Variants in HMX1 observed in about 807,000 individuals in gnomAD.
HMX1 encodes H6 family homeobox 1, also known as homeobox protein HMX1.
In HMX1, 8 loss-of-function variants were observed where a neutral mutation model predicts 8.9. The observed-to-expected ratio is 0.90, with a 90% CI of 0.53 to 1.63. The LOEUF (loss-of-function observed/expected upper bound fraction) is 1.63. Among genes scored for constraint, HMX1 ranks in the 40% most tolerant of loss-of-function variants. The probability of loss-of-function intolerance (pLI) is 0.00; values close to 1 mark genes in which losing one functional copy is unlikely to be tolerated. For synonymous variants in HMX1, 311 were observed against 283.4 expected (o/e 1.10, Z -0.98); for missense variants, 621 against 558.5 (o/e 1.11, Z -1.13).
At chr4:8,869,218 A>G (rs1370649617) in intron 1 of HMX1, among the ~76,000 whole-genome samples, 1 of 152,148 alleles carries the variant, frequency 6.6e-6, no homozygotes, top group Non-Finnish European at 1.5e-5. Context: ...AAGCTCCCCT[A>G]CTCATCTCCT....
chr4:8,869,558 C>A (rs919236649), intron 1 of HMX1, among the ~76,000 whole-genome samples: 1 of 152,242 alleles, frequency 6.6e-6, no homozygotes, highest in Admixed American at 6.5e-5. Context: ...GGCTTCTGTG[C>A]GTGGTTCCAG....
chr4:8,857,506 G>A (rs1721647383), intron 1 of HMX1, among the ~76,000 whole-genome samples: 1 of 152,160 alleles, frequency 6.6e-6, no homozygotes, highest in African/African-American at 2.4e-5. Flanking sequence ...GGTGGGGCGC[G>A]GGTTCCGGCC....
chr4:8,858,599 G>C (rs991836971), intron 1 of HMX1: 2 of 152,272 alleles, frequency 1.3e-5, no homozygotes, highest in Admixed American at 6.5e-5. Flanking sequence ...GACGTCATGG[G>C]GGGAGTGCCC....
At chr4:8,850,145 G>T (rs1435509408) in intron 1 of HMX1, among the ~76,000 whole-genome samples, 1 of 152,118 alleles carries the variant, frequency 6.6e-6, no homozygotes, top group African/African-American at 2.4e-5. Flanking sequence ...GCTGGGTAAG[G>T]AGTGGAAGAG....
chr4:8,852,961 G>A (rs1464465579), intron 1 of HMX1, among the ~76,000 whole-genome samples: 3 of 151,588 alleles, frequency 2.0e-5, no homozygotes, highest in Non-Finnish European at 2.9e-5. Flanking sequence ...TGACCTGGAG[G>A]ATGAAACTTA....
At chr4:8,869,555 G>C (rs1378902052) in intron 1 of HMX1, among the ~76,000 whole-genome samples, 1 of 152,268 alleles carries the variant, frequency 6.6e-6, no homozygotes, top group East Asian at 1.9e-4. Flanking sequence ...GTGGGCTTCT[G>C]TGCGTGGTTC....
At chr4:8,851,736 T>C (rs1346794602) in intron 1 of HMX1, among the ~76,000 whole-genome samples, 1 of 152,228 alleles carries the variant, frequency 6.6e-6, no homozygotes, top group Non-Finnish European at 1.5e-5. Context: ...TTCTCCATCA[T>C]AAAACAGGAG....
rs2109456103 is a variant in HMX1 at position 8,853,770 on chromosome 4, T to C, written c.395-7446A>G. Among the ~76,000 whole-genome samples, 2 of 152,064 alleles carry C rather than the reference T, an allele frequency of 1.3e-5. No individual in the cohort carries two copies. Among genetic ancestry groups the C allele is most frequent in the East Asian group, 3.9e-4 (2 of 5,152 alleles). On this transcript the variant is annotated intron_variant, in intron 1 of 1. Coordinates refer to the HMX1 transcript ENST00000506970. This position sits in a 1 kb window ranked among gnomAD's most constrained non-coding sequence, Gnocchi z 4.7. Reference sequence around the variant, plus strand: ...GGGGAGGCTGAGACAGGAGAATTGTTTGAACCCGGGAGGTGGAGGTTGCAG... The same window carrying C: ...GGGGAGGCTGAGACAGGAGAATTGTCTGAACCCGGGAGGTGGAGGTTGCAG...
At position 8,868,230 on chromosome 4, in the gene HMX1, A is replaced by C. The variant is rs1485401363; in HGVS notation, c.510T>G (p.Arg170=). 7.0e-7 allele frequency: 1 copy of C among 1,435,508 alleles called. No individual in the cohort carries two copies. Among genetic ancestry groups the C allele is most frequent in the East Asian group, 3.0e-5 (1 of 33,224 alleles). The allele number at this position is 1,435,508 out of a possible 1,614,324, so 88.9% of individuals were successfully genotyped here. A position where few individuals can be genotyped will look rare whatever the true frequency, so the allele number is the denominator to read the frequency against. The stretch of plus-strand genomic sequence containing the variant: ...CCTCCTCCGTGCCGGCCGCCGGGCC[A>C]CGCGCCGCCAGCTCCGCTGCCTCCC... ...VQREAAELAA[R]GPAAGTEEAS... is the part of the protein sequence containing the mutation. The change falls in exon 2 of 2, where the codon CGT becomes CGG. Residue 170 remains arginine, a synonymous_variant. Transcript: ENST00000400677. The surrounding 1 kb of genome is among the most constrained non-coding windows in gnomAD (Gnocchi z 4.6).
rs552089627 is a variant in HMX1 at position 8,849,812 on chromosome 4, C to T, written c.395-3488G>A. On this transcript the variant is annotated intron_variant, in intron 1 of 1. Coordinates refer to the HMX1 transcript ENST00000506970. The surrounding 1 kb of genome is among the most constrained non-coding windows in gnomAD (Gnocchi z 6.6). ...GGTCTCTGAGCTGGAACAGCCCCTC[C>T]GGGCATCGGGTGTGGTCTGCCATTT... Among the ~76,000 whole-genome samples the T allele has an allele frequency of 2.6e-5, 4 of 152,320 alleles. No homozygotes were observed. The highest frequency in any genetic ancestry group is 4.4e-5 in the Non-Finnish European group (3 of 68,028).
At chr4:8,855,108 G>A (rs1397472037) in intron 1 of HMX1, among the ~76,000 whole-genome samples, 2 of 152,214 alleles carry the variant, frequency 1.3e-5, no homozygotes, top group Non-Finnish European at 2.9e-5. Context: ...TTCCCCCAGC[G>A]CCTGCAGTCC....
intron 1 of HMX1, among the ~76,000 whole-genome samples, chr4:8,855,779 C>T (rs1013766870): frequency 1.3e-5 from 2 of 152,060 alleles, no homozygotes; most frequent in Admixed American, 6.5e-5. Flanking sequence ...GCAGGAAGGG[C>T]CTGGGGAGTG....
chr4:8,851,615 G>C (rs78014886), intron 1 of HMX1, among the ~76,000 whole-genome samples: 45,054 of 152,148 alleles, frequency 0.3, 7,320 homozygotes, highest in East Asian at 0.67. Flanking sequence ...CTGCGGGCCT[G>C]AGGCCAGGAT....
rs1419218898 is a variant in HMX1 at position 8,848,030 on chromosome 4, G to A, written c.395-1706C>T. Among the ~76,000 whole-genome samples the A allele has an allele frequency of 6.6e-6, 1 of 152,150 alleles. No homozygotes were observed. On this transcript the variant is annotated intron_variant, in intron 1 of 1. Transcript: ENST00000506970. This position sits in a 1 kb window ranked among gnomAD's most constrained non-coding sequence, Gnocchi z 4.1. ...GAACCGAATTTTGAATCTAAAACTC[G>A]ACACTCGATTCAGTTATTGGACAAC... is the stretch of plus-strand genomic sequence containing the variant.
chr4:8,864,439 G>A (rs573858251), downstream of HMX1, among the ~76,000 whole-genome samples: 4 of 152,222 alleles, frequency 2.6e-5, no homozygotes, highest in South Asian at 6.2e-4. Context: ...AACCCGCGAG[G>A]GGGGAGGGTG....
chr4:8,854,438 G>A (rs1181543361), intron 1 of HMX1, among the ~76,000 whole-genome samples: 2 of 152,238 alleles, frequency 1.3e-5, no homozygotes, highest in African/African-American at 4.8e-5. Flanking sequence ...ATGTCAAGGA[G>A]GGGTGTTAAA....
chr4:8,867,065 T>C lies in HMX1; in HGVS notation c.*628A>G. 1.0e-6 allele frequency: 1 copy of C among 985,214 alleles called. No homozygotes were observed. The highest frequency in any genetic ancestry group is 1.2e-6 in the Non-Finnish European group (1 of 829,728). The allele number at this position is 985,214 out of a possible 1,614,324, so 61.0% of individuals were successfully genotyped here. A position where few individuals can be genotyped will look rare whatever the true frequency, so the allele number is the denominator to read the frequency against. ...TGAAACTGTCCAGAAAATGTCCCTT[T>C]TTATTCCATACGCAAATAAGTAGAT... On this transcript the variant is annotated 3_prime_UTR_variant, in exon 2 of 2. Transcript: ENST00000400677.
At chr4:8,846,417 T>C (rs962734518) in intron 1 of HMX1, 5 of 981,410 alleles carry the variant, frequency 5.1e-6, no homozygotes, top group African/African-American at 1.6e-5. Flanking sequence ...GCCACATGGC[T>C]CAAAACCCAA....
chr4:8,856,632 C>A (rs1398160621), intron 1 of HMX1, among the ~76,000 whole-genome samples: 71 of 152,186 alleles, frequency 4.7e-4, no homozygotes. Context: ...CCTCTGATTG[C>A]ACTCTTAAAT....
Sources: allele counts gnomAD v4.1 joint callset (sites outside exome capture counted in the v4.1 genomes callset), GRCh38; gene constraint gnomAD v4.1.1; non-coding constraint Gnocchi (gnomAD v3.1); transcripts MANE v1.5; gene names NCBI Gene and HGNC (gene_info 2026-07-23, HGNC 2026-07-21).